Variants in LAT2 observed in about 807,000 individuals in gnomAD.
LAT2 encodes the protein linker for activation of T cells family member 2, also known as linker for activation of T-cells family member 2.
LAT2 carries 23 observed loss-of-function variants against 43.4 expected under a neutral mutation model. The ratio of observed to expected loss-of-function variants is 0.53; its 90% CI spans 0.38 to 0.75. The LOEUF is 0.75. LAT2 is among the 30% of genes least tolerant of loss of function. The pLI, the probability that LAT2 is intolerant of heterozygous loss-of-function variation, is 0.00. For synonymous variants in LAT2, 128 were observed against 123.2 expected (o/e 1.04, Z -0.26); for missense variants, 284 against 310.2 (o/e 0.92, Z 0.64).
At chr7:74,221,548 C>G (rs1327048739) in intron 9 of LAT2, 89 bp from the exon 10 acceptor site, 4 of 914,592 alleles carry the variant, frequency 4.4e-6, no homozygotes, top group Admixed American at 4.3e-5. Context: ...ATGGTGGGAG[C>G]AGCCCTGGCC....
In LAT2 at chr7:74,220,529, C is replaced by G; in HGVS notation, c.266-55C>G. ...CCTGCCTTGGGCTGCAGCACCCGAG[C>G]TGGGTGCAAAGCAGGGGCCAGGGGA... is the stretch of plus-strand genomic sequence containing the variant. On this transcript the variant is annotated intron_variant, in intron 7 of 13. Coordinates refer to ENST00000460943, the MANE Select transcript of LAT2 (RefSeq NM_032464.3). This position sits in a 1 kb window ranked among gnomAD's most constrained non-coding sequence, Gnocchi z 4.5. 6.2e-7 allele frequency: 1 copy of G among 1,606,134 alleles called. No homozygotes were observed. Among genetic ancestry groups the G allele is most frequent in the South Asian group, 1.1e-5 (1 of 90,804 alleles).
At chr7:74,214,227 AAAATATATATGAAAATATATATATAAAT>A (rs1554713711) in intron 1 of LAT2, among the ~76,000 whole-genome samples, 21 of 97,102 alleles carry the variant, frequency 2.2e-4, no homozygotes, top group East Asian at 1.5e-3. Flanking sequence ...TATATATATG[AAAATATATATGAAAATATATATATAAAT>A]ATATATATAT....
At chr7:74,224,238 C>T (rs782318435) in intron 12 of LAT2, 41 bp downstream of exon 12, 2 of 1,595,550 alleles carry the variant, frequency 1.3e-6, no homozygotes, top group African/African-American at 1.3e-5. Flanking sequence ...CCACTTAGGG[C>T]AGGCTTGAGG....
chr7:74,216,503 C>T (rs1554714324), intron 3 of LAT2, among the ~76,000 whole-genome samples: 1 of 152,164 alleles, frequency 6.6e-6, no homozygotes, highest in Non-Finnish European at 1.5e-5. Context: ...CCCTGAGTAG[C>T]TGGGACTACA....
intron 10 of LAT2, among the ~76,000 whole-genome samples, chr7:74,223,050 G>C (rs117502279): frequency 0.016 from 2,450 of 152,318 alleles, 20 homozygotes; most frequent in Non-Finnish European, 0.023. Context: ...ATCTGGAAGA[G>C]TCCAGCCCCT....
intron 9 of LAT2, among the ~76,000 whole-genome samples, 173 bp from the exon 10 acceptor site, chr7:74,221,464 G>A (rs1031358901): frequency 6.7e-6 from 1 of 149,522 alleles, no homozygotes; most frequent in Non-Finnish European, 1.5e-5. Flanking sequence ...TGGTGGCTCA[G>A]GGGTCCCAGG....
Position 74,224,127 on chromosome 7 carries a change from A to T in LAT2, c.558A>T (p.Glu186Asp), listed in dbSNP as rs11980596. The change falls in exon 12 of 14, where the codon GAA becomes GAT. Residue 186 changes from glutamate to aspartate, a missense_variant. Coordinates refer to ENST00000460943, the MANE Select transcript of LAT2 (RefSeq NM_032464.3). ...TCTGTCCCTCTGCCTCCCCGGAAGA[A>T]GATGAGGAATCTGAGGATTATCAGA... ...SGLCPSASPE[E>D]DEESEDYQNS... 1.5e-5 allele frequency: 24 copies of T among 1,614,112 alleles called. No homozygotes were observed. In the Admixed American group the frequency reaches 2.7e-4, roughly 18 times the overall value.
chr7:74,221,181 C>T (rs1554715184), intron 9 of LAT2, among the ~76,000 whole-genome samples: 1 of 151,940 alleles, frequency 6.6e-6, no homozygotes, highest in South Asian at 2.1e-4. Context: ...TTTGGGAGGC[C>T]AAGGCAGGCA....
chr7:74,220,443 C>T lies in LAT2; in HGVS notation c.266-141C>T, dbSNP rs1383837184. The T allele has an allele frequency of 1.6e-6, 2 of 1,245,040 alleles. No individual in the cohort carries two copies. The highest frequency in any genetic ancestry group is 1.5e-5 in the African/African-American group (1 of 67,606). The allele number at this position is 1,245,040 out of a possible 1,614,324, so 77.1% of individuals were successfully genotyped here. ...CTGGCAGGGGGAGGGTGCACACTCG[C>T]ACATGCCCCACTGAGGGGACAGGGA... On this transcript the variant is annotated intron_variant, in intron 7 of 13. Transcript: ENST00000460943. This position sits in a 1 kb window ranked among gnomAD's most constrained non-coding sequence, Gnocchi z 4.5.
At chr7:74,218,293 C>G (rs1258928230) in intron 4 of LAT2, among the ~76,000 whole-genome samples, 1 of 152,212 alleles carries the variant, frequency 6.6e-6, no homozygotes, top group Non-Finnish European at 1.5e-5. Context: ...GACTGACTCT[C>G]TCCTGTGGAT....
chr7:74,220,232 G>C lies in LAT2; in HGVS notation c.243G>C (p.Leu81Phe), dbSNP rs1382394165. ...DMAPTRKDKL[L>F]QFYPSLEDPA... ...CTCCCTGCAGGAAGGACAAGCTGTT[G>C]CAATTCTACCCCAGCCTGGAGGGTG... Residue 81 changes from leucine (L) to phenylalanine (F), a missense_variant, in exon 7 of 14, where the codon TTG becomes TTC. Transcript: ENST00000460943. The surrounding 1 kb of genome is among the most constrained non-coding windows in gnomAD (Gnocchi z 4.5). The C allele has an allele frequency of 6.2e-7, 1 of 1,611,124 alleles. No individual in the cohort carries two copies. The highest frequency in any genetic ancestry group is 8.5e-7 in the Non-Finnish European group (1 of 1,178,274).
At chr7:74,221,840 GGC>G in intron 10 of LAT2, 148 bp downstream of exon 10, 1 of 636,206 alleles carries the variant, frequency 1.6e-6, no homozygotes, top group South Asian at 1.9e-5. Context: ...TGGTGCTGCA[GGC>G]GGGGGCCAAG....
intron 10 of LAT2, among the ~76,000 whole-genome samples, chr7:74,223,419 A>G (rs1802364476): frequency 6.6e-6 from 1 of 152,030 alleles, no homozygotes; most frequent in Admixed American, 6.6e-5. Flanking sequence ...TTGAGCCGGG[A>G]GTTGGAGGCT....
At chr7:74,224,956 G>A (rs1802434290) in intron 13 of LAT2, 196 bp downstream of exon 13, 2 of 466,138 alleles carry the variant, frequency 4.3e-6, no homozygotes, top group South Asian at 2.5e-5. Context: ...CGTCAGGCAG[G>A]GAATTCTGGT....
At chr7:74,228,130 C>T (rs1166604997) in intron 13 of LAT2, among the ~76,000 whole-genome samples, 1 of 120,106 alleles carries the variant, frequency 8.3e-6, no homozygotes, top group Admixed American at 1.0e-4. Context: ...GAGCTAAGAT[C>T]GCACCATTGC....
At chr7:74,224,465 C>G (rs1802410050) in intron 12 of LAT2, among the ~76,000 whole-genome samples, 174 bp from the exon 13 acceptor site, 1 of 152,206 alleles carries the variant, frequency 6.6e-6, no homozygotes, top group African/African-American at 2.4e-5. Context: ...GCTCTCACAG[C>G]AGGACGATCT....
rs1229634927 is a variant in LAT2, at chr7:74,222,107, C to T, written c.388+415C>T. Among the ~76,000 whole-genome samples, 5 of 151,502 alleles carry T rather than the reference C, an allele frequency of 3.3e-5. No homozygotes were observed. The East Asian group carries it at 7.8e-4, about 24-fold the overall frequency. On this transcript the variant is annotated intron_variant, in intron 10 of 13. Coordinates refer to ENST00000460943, the MANE Select transcript of LAT2 (RefSeq NM_032464.3). ...TTTATAGGAAGGGCAACTGAGAGGCCGGGTGTGGTGGCTCACCCCTGTAAT... is the reference window on the plus strand; with the variant it reads ...TTTATAGGAAGGGCAACTGAGAGGCTGGGTGTGGTGGCTCACCCCTGTAAT...
intron 12 of LAT2, 51 bp from the exon 13 acceptor site, chr7:74,224,588 G>A: frequency 6.8e-7 from 1 of 1,469,630 alleles, no homozygotes; most frequent in South Asian, 1.2e-5. Flanking sequence ...GAGCAGTCAT[G>A]GGTGTCTCCA....
intron 1 of LAT2, among the ~76,000 whole-genome samples, chr7:74,210,508 G>T (rs1029062657): frequency 2.6e-5 from 4 of 152,128 alleles, no homozygotes; most frequent in Non-Finnish European, 4.4e-5. Flanking sequence ...GTCAGGTGAA[G>T]AACCCCCACT....
Sources: gnomAD v4.1 joint callset for allele counts (sites outside exome capture counted in the v4.1 genomes callset) on GRCh38, gnomAD v4.1.1 for gene constraint, Gnocchi (gnomAD v3.1) non-coding constraint, MANE v1.5 for transcripts, NCBI Gene and HGNC (gene_info 2026-07-23, HGNC 2026-07-21) for gene names.